WASHC2C: variants seen among roughly 807,000 people sequenced by gnomAD.
WASHC2C encodes Vaccinia Penetration Factor.
WASHC2C carries 73 observed loss-of-function variants against 142.2 expected under a neutral mutation model. The observed-to-expected ratio is 0.51, with a 90% confidence interval of 0.43 to 0.62. The LOEUF is 0.62. WASHC2C is among the 20% of genes least tolerant of loss of function. WASHC2C has a pLI of 0.00. For synonymous variants in WASHC2C, 337 were observed against 565.5 expected (o/e 0.60, Z 5.73); for missense variants, 969 against 1,531.7 (o/e 0.63, Z 6.13).
intron 30 of WASHC2C, among the ~76,000 whole-genome samples, chr10:45,790,873 GCTGAGGGGA>G (rs1254935971): frequency 6.6e-6 from 1 of 152,160 alleles, no homozygotes; most frequent in East Asian, 1.9e-4. Context: ...GCTAAAGTAG[GCTGAGGGGA>G]CTGCCTTGGG....
chr10:45,736,951 A>G (rs1450196572), intron 3 of WASHC2C, among the ~76,000 whole-genome samples: 1 of 152,144 alleles, frequency 6.6e-6, no homozygotes, highest in Non-Finnish European at 1.5e-5. Context: ...TTGACTTCTT[A>G]TTTCTTTCTT....
In WASHC2C at chr10:45,768,874, G is replaced by A. The variant is rs573508662; in HGVS notation, c.1870-575G>A. Reference sequence around the variant, plus strand: ...ATTCCCTGAAATAGACAAGTCGCTTGTAATACAGTGCAGAACCACATTGGG... The same window carrying A: ...ATTCCCTGAAATAGACAAGTCGCTTATAATACAGTGCAGAACCACATTGGG... On this transcript the variant is annotated intron_variant, in intron 19 of 30. Transcript: ENST00000623400. Among the ~76,000 whole-genome samples the A allele has an allele frequency of 7.4e-5, 10 of 136,048 alleles. No homozygotes were observed. The East Asian group carries it at 1.9e-3, about 26-fold the overall frequency. The allele number at this position is 136,048 out of a possible 152,430, so 89.3% of individuals were successfully genotyped here.
intron 15 of WASHC2C, 58 bp downstream of exon 15, chr10:45,755,173 A>T (rs2054091698): frequency 6.4e-7 from 1 of 1,550,908 alleles, no homozygotes; most frequent in South Asian, 1.2e-5. Flanking sequence ...GTTGCCTAAA[A>T]AGAACATAAG....
At chr10:45,753,062 A>G in intron 12 of WASHC2C, 118 bp from the exon 13 acceptor site, 1 of 792,306 alleles carries the variant, frequency 1.3e-6, no homozygotes, top group South Asian at 1.8e-5. Context: ...ATTTTCTGGC[A>G]GAGTAGTAAA....
chr10:45,787,988 T>C (rs2058168936), intron 28 of WASHC2C, among the ~76,000 whole-genome samples: 1 of 152,272 alleles, frequency 6.6e-6, no homozygotes, highest in African/African-American at 2.4e-5. Context: ...TTAACTGATC[T>C]GCAAGTAAGT....
At chr10:45,754,749 G>A (rs1466172270) in intron 14 of WASHC2C, among the ~76,000 whole-genome samples, 187 bp from the exon 15 acceptor site, 1 of 152,160 alleles carries the variant, frequency 6.6e-6, no homozygotes, top group Non-Finnish European at 1.5e-5. Context: ...TTTTGTGTTT[G>A]AGCGACCTGG....
At chr10:45,769,648 C>G (rs2056368457) in intron 20 of WASHC2C, 30 bp downstream of exon 20, 1 of 1,611,494 alleles carries the variant, frequency 6.2e-7, no homozygotes. Flanking sequence ...GAGTCCCTCA[C>G]TCCATTACCG....
chr10:45,742,288 T>C (rs1181962887), intron 5 of WASHC2C, among the ~76,000 whole-genome samples: 1 of 152,224 alleles, frequency 6.6e-6, no homozygotes, highest in Non-Finnish European at 1.5e-5. Flanking sequence ...TGTTCTTCTG[T>C]TTATTGAGTT....
At chr10:45,782,449 A>T (rs1185381585) in intron 23 of WASHC2C, among the ~76,000 whole-genome samples, 3 of 151,754 alleles carry the variant, frequency 2.0e-5, no homozygotes, top group Admixed American at 6.6e-5. Context: ...AAAAAAAAAA[A>T]AAAGGGAAGT....
At chr10:45,788,144 A>G (rs1554891083) in intron 28 of WASHC2C, among the ~76,000 whole-genome samples, 1 of 152,250 alleles carries the variant, frequency 6.6e-6, no homozygotes, top group Non-Finnish European at 1.5e-5. Flanking sequence ...GGCAACTAAA[A>G]TTGTGACATT....
chr10:45,764,821 A>G (rs1352228719), intron 18 of WASHC2C, among the ~76,000 whole-genome samples: 10 of 152,266 alleles, frequency 6.6e-5, no homozygotes, highest in African/African-American at 2.4e-4. Flanking sequence ...TAATAAGTGC[A>G]TAGTGAATGT....
intron 18 of WASHC2C, among the ~76,000 whole-genome samples, 177 bp from the exon 19 acceptor site, chr10:45,765,502 G>A (rs1332863094): frequency 6.7e-6 from 1 of 148,350 alleles, no homozygotes; most frequent in Non-Finnish European, 1.5e-5. Context: ...CCCTTCTATG[G>A]GTGCAGTGAG....
rs1554865612 is a variant in WASHC2C, at chr10:45,738,056, A to G, written c.354+11A>G. On this transcript the variant is annotated intron_variant, in intron 4 of 30. Transcript: ENST00000623400. ...GAAAAAACAGAGCAGGTACTTGTAT[A>G]AAATCACTCTTAGCTGAGTTTCTGA... The G allele has an allele frequency of 5.0e-6, 8 of 1,611,942 alleles. No homozygotes were observed. The highest frequency in any genetic ancestry group is 6.8e-6 in the Non-Finnish European group (8 of 1,179,858).
intron 16 of WASHC2C, 69 bp downstream of exon 16, chr10:45,757,208 A>G: frequency 1.2e-6 from 2 of 1,609,972 alleles, no homozygotes; most frequent in South Asian, 1.1e-5. Context: ...TCCGGAACCC[A>G]GAGGGAAGTA....
chr10:45,754,415 A>C, intron 13 of WASHC2C, 71 bp from the exon 14 acceptor site: 1 of 1,604,490 alleles, frequency 6.2e-7, no homozygotes, highest in Admixed American at 1.7e-5. Flanking sequence ...CATTGCACGT[A>C]TTTCAGGAAG....
chr10:45,756,479 C>T (rs2054310023), intron 15 of WASHC2C, among the ~76,000 whole-genome samples: 1 of 152,102 alleles, frequency 6.6e-6, no homozygotes, highest in Non-Finnish European at 1.5e-5. Flanking sequence ...TTATAAATAA[C>T]TAGTGTTAAT....
At chr10:45,766,254 G>A (rs1260365531) in intron 19 of WASHC2C, among the ~76,000 whole-genome samples, 3 of 152,308 alleles carry the variant, frequency 2.0e-5, no homozygotes, top group Admixed American at 6.5e-5. Context: ...TGATGAAGAA[G>A]CGGACAGTTT....
In WASHC2C at chr10:45,728,973, CATA is replaced by C; in HGVS notation, c.241_243del (p.Asn81del). On this transcript the variant is annotated inframe_deletion, in exon 3 of 31. Transcript: ENST00000623400. The stretch of plus-strand genomic sequence containing the variant: ...AACCAAAGCCACAGATTGTCGCCTG[CATA>C]ATGTCTTCAATGACTTCCTTATGCT... 6.2e-7 allele frequency: 1 copy of C among 1,613,958 alleles called. No homozygotes were observed. Among genetic ancestry groups the C allele is most frequent in the Non-Finnish European group, 8.5e-7 (1 of 1,179,864 alleles).
At chr10:45,786,464 A>C in intron 26 of WASHC2C, 148 bp from the exon 27 acceptor site, 2 of 895,312 alleles carry the variant, frequency 2.2e-6, no homozygotes, top group Non-Finnish European at 3.7e-6. Flanking sequence ...GTGAAACATC[A>C]GGCCCCAGGA....
Sources: allele counts gnomAD v4.1 joint callset (sites outside exome capture counted in the v4.1 genomes callset), GRCh38; gene constraint gnomAD v4.1.1; transcripts MANE v1.5; gene names NCBI Gene and HGNC (gene_info 2026-07-23, HGNC 2026-07-21).